The following UNC13B variants were observed in gnomAD, a reference collection of about 807,000 sequenced individuals.
UNC13B encodes the protein protein unc-13 homolog B.
In UNC13B, 144 loss-of-function variants were observed where a neutral mutation model predicts 211.0. The observed-to-expected ratio is 0.68, with a 90% CI of 0.60 to 0.78. The LOEUF is 0.78. Among genes scored for constraint, UNC13B ranks in the 30% least tolerant of loss-of-function variants. The pLI is 0.00. For missense variants in UNC13B, 1,777 were observed against 2,002.0 expected (o/e 0.89, Z 2.14); for synonymous variants, 709 against 725.8 (o/e 0.98, Z 0.37).
At chr9:35,346,321 C>T (rs1192890618) in intron 11 of UNC13B, among the ~76,000 whole-genome samples, 1 of 152,072 alleles carries the variant, frequency 6.6e-6, no homozygotes, top group Non-Finnish European at 1.5e-5. Context: ...TCCCAGAGGT[C>T]CCCTGGTTGT....
Position 35,300,420 on chromosome 9 carries a change from G to A in UNC13B, c.1016G>A (p.Ser339Asn). The change falls in exon 9 of 40, where the codon AGT (serine) becomes AAT (asparagine). Residue 339 changes from serine (S) to asparagine (N), a missense_variant. Physicochemically the swap from Ser to Asn is conservative, Grantham distance 46. Coordinates refer to ENST00000635942, the MANE Select transcript of UNC13B (RefSeq NM_001371189.2). ...KSGMQRIKLE[S>N]HDYDLSSCLR... ...GGCATGCAGCGCATTAAGTTGGAAA[G>A]TCATGATTATGATCTGTCCAGTTGT... 2.5e-6 allele frequency: 1 copy of A among 399,006 alleles called. No homozygotes were observed. The highest frequency in any genetic ancestry group is 4.4e-6 in the Non-Finnish European group (1 of 226,020). 24.7% of individuals were successfully genotyped at this position (399,006 alleles called of 1,614,324 possible).
chr9:35,256,885 A>G (rs1409677047), intron 6 of UNC13B, among the ~76,000 whole-genome samples: 1 of 152,072 alleles, frequency 6.6e-6, no homozygotes, highest in Non-Finnish European at 1.5e-5. Flanking sequence ...TTTTTTGTAG[A>G]CAGATTTTGT....
intron 11 of UNC13B, among the ~76,000 whole-genome samples, chr9:35,339,426 C>G (rs1831855281): frequency 6.6e-6 from 1 of 152,180 alleles, no homozygotes; most frequent in African/African-American, 2.4e-5. Flanking sequence ...CTGCTTGTCC[C>G]AAAGAGCTAG....
At chr9:35,312,016 G>A (rs1220229949) in intron 10 of UNC13B, among the ~76,000 whole-genome samples, 1 of 152,146 alleles carries the variant, frequency 6.6e-6, no homozygotes, top group Non-Finnish European at 1.5e-5. Context: ...ATTATAGGAT[G>A]TTTAATAGCA....
intron 17 of UNC13B, among the ~76,000 whole-genome samples, 190 bp downstream of exon 17, chr9:35,378,626 T>C (rs1587731073): frequency 1.3e-5 from 2 of 152,204 alleles, no homozygotes; most frequent in East Asian, 3.9e-4. Flanking sequence ...GTGTCAGGAT[T>C]ACTGTGCCCA....
intron 1 of UNC13B, among the ~76,000 whole-genome samples, chr9:35,216,387 G>A (rs1038401269): frequency 1.3e-5 from 2 of 152,140 alleles, no homozygotes; most frequent in Admixed American, 6.5e-5. Context: ...GGGGTTTCAC[G>A]ACCCATGGAA....
intron 8 of UNC13B, among the ~76,000 whole-genome samples, chr9:35,297,123 C>G (rs1361498355): frequency 6.9e-6 from 1 of 144,474 alleles, no homozygotes; most frequent in Non-Finnish European, 1.5e-5. Flanking sequence ...GAGTCTCACT[C>G]TGTCTCCCAG....
At chr9:35,314,629 G>C (rs963593371) in intron 11 of UNC13B, among the ~76,000 whole-genome samples, 2 of 151,956 alleles carry the variant, frequency 1.3e-5, no homozygotes, top group Non-Finnish European at 2.9e-5. Context: ...TCTGGGCTTT[G>C]GGTGTAGCCA....
chr9:35,310,491 C>T lies in UNC13B; in HGVS notation c.9033C>T (p.Gly3011=). 6.2e-7 allele frequency: 1 copy of T among 1,613,968 alleles called. No individual in the cohort carries two copies. The highest frequency in any genetic ancestry group is 8.5e-7 in the Non-Finnish European group (1 of 1,179,930). ...GCCCCACCAGCAGCAGTAGGTATGG[C>T]TCCTCCTGTAATGTGAGTCAAGGAA... is the stretch of plus-strand genomic sequence containing the variant. The part of the protein sequence containing the change: ...NKSPTSSSRY[G]SSCNVSQGSS... Residue 3011 remains glycine (G), a synonymous_variant, in exon 10 of 40, where the codon GGC becomes GGT. Transcript: ENST00000635942.
At position 35,301,433 on chromosome 9, in the gene UNC13B, A is replaced by T. The variant is rs1056973352; in HGVS notation, c.2029A>T (p.Ser677Cys). ...GGAAACAAAAAAAGATGATGACCAG[A>T]GTAAGCCACCAAGAAAAGAAAGCTT... is the stretch of plus-strand genomic sequence containing the variant. ...KEETKKDDDQ[S>C]KPPRKESFVE... Residue 677 changes from serine (S) to cysteine (C), a missense_variant, in exon 9 of 40, where the codon AGT becomes TGT. Coordinates refer to ENST00000635942, the MANE Select transcript of UNC13B (RefSeq NM_001371189.2). The T allele has an allele frequency of 1.0e-5, 4 of 398,742 alleles. No individual in the cohort carries two copies. The highest frequency in any genetic ancestry group is 8.2e-5 in the African/African-American group (4 of 48,630). The allele number at this position is 398,742 out of a possible 1,614,324, so 24.7% of individuals were successfully genotyped here.
chr9:35,381,568 T>C lies in UNC13B; in HGVS notation c.10504T>C (p.Tyr3502His). 6.2e-7 allele frequency: 1 copy of C among 1,613,592 alleles called. No homozygotes were observed. The highest frequency in any genetic ancestry group is 8.5e-7 in the Non-Finnish European group (1 of 1,179,616). The change falls in exon 20 of 40, where the codon TAC becomes CAC. Residue 3502 changes from tyrosine (Y) to histidine (H), a missense_variant. Tyr to His is a moderately conservative substitution (Grantham distance 83). Transcript: ENST00000635942. ...CTGTCTCCTGCAGAATCTTTTCCAT[T>C]ACCTCACAGACATTCAGGGCAGTGG... ...YTCLHENLFH[Y>H]LTDIQGSGGV...
At chr9:35,362,828 T>C (rs921450018) in intron 11 of UNC13B, among the ~76,000 whole-genome samples, 6 of 151,554 alleles carry the variant, frequency 4.0e-5, no homozygotes, top group African/African-American at 7.3e-5. Flanking sequence ...AATCTGCATC[T>C]ATTTGCTCTG....
chr9:35,286,226 CTTTTTTTTTT>C (rs777657602), intron 7 of UNC13B, among the ~76,000 whole-genome samples: 17 of 117,662 alleles, frequency 1.4e-4, no homozygotes, highest in African/African-American at 5.0e-4. Context: ...AAGCTTGGAA[CTTTTTTTTTT>C]TTTTTTTTTT....
rs1829748328 is a variant in UNC13B, at chr9:35,302,759, A to T, written c.3355A>T (p.Thr1119Ser). ...AGACTCTTCATTAGAGTGTATTTCTACCACTTCCAAATCCACTTTGGTTAA... is the reference window on the plus strand; with the variant it reads ...AGACTCTTCATTAGAGTGTATTTCTTCCACTTCCAAATCCACTTTGGTTAA... ...ASDSSLECIS[T>S]TSKSTLVNEI... The change falls in exon 9 of 40, where the codon ACC becomes TCC. Residue 1119 changes from threonine to serine, a missense_variant. Thr to Ser is a moderately conservative substitution (Grantham distance 58). Coordinates refer to ENST00000635942, the MANE Select transcript of UNC13B (RefSeq NM_001371189.2). 2 of 398,536 alleles carry T rather than the reference A, an allele frequency of 5.0e-6. No homozygotes were observed. Among genetic ancestry groups the T allele is most frequent in the Non-Finnish European group, 8.9e-6 (2 of 225,760 alleles). The allele number at this position is 398,536 out of a possible 1,614,324, so 24.7% of individuals were successfully genotyped here.
At chr9:35,200,102 T>A (rs1266676698) in intron 1 of UNC13B, among the ~76,000 whole-genome samples, 1 of 152,230 alleles carries the variant, frequency 6.6e-6, no homozygotes, top group Non-Finnish European at 1.5e-5. Context: ...TAGGGAATCC[T>A]TTTCCCATTT....
In UNC13B at chr9:35,300,692, A is replaced by G; in HGVS notation, c.1288A>G (p.Lys430Glu). ...ATTACAAAGGATGAATTGTGATGCA[A>G]AAACACTTGGAGATCTGTCTGAGTG... is the stretch of plus-strand genomic sequence containing the variant. ...LPLQRMNCDA[K>E]TLGDLSECSI... The change falls in exon 9 of 40, where the codon AAA (lysine) becomes GAA (glutamate). Residue 430 changes from lysine to glutamate, a missense_variant. Coordinates refer to ENST00000635942, the MANE Select transcript of UNC13B (RefSeq NM_001371189.2). The G allele has an allele frequency of 2.5e-6, 1 of 399,018 alleles. No homozygotes were observed. Among genetic ancestry groups the G allele is most frequent in the Non-Finnish European group, 4.4e-6 (1 of 226,026 alleles). 24.7% of individuals were successfully genotyped at this position (399,018 alleles called of 1,614,324 possible). A position where few individuals can be genotyped will look rare whatever the true frequency, so the allele number is the denominator to read the frequency against.
rs373043399 is a variant in UNC13B, at chr9:35,389,980, A to T, written c.11222+7A>T. 7 of 1,613,426 alleles carry T rather than the reference A, an allele frequency of 4.3e-6. No homozygotes were observed. Among genetic ancestry groups the T allele is most frequent in the Non-Finnish European group, 5.1e-6 (6 of 1,179,534 alleles). On this transcript the variant is annotated splice_region_variant and intron_variant, in intron 25 of 39. Coordinates refer to ENST00000635942, the MANE Select transcript of UNC13B (RefSeq NM_001371189.2). ...ACACACCTGTTCTGAACCAGTGAGTATCACCCTCTTTGGCCCTGTCTGTTG... is the reference window on the plus strand; with the variant it reads ...ACACACCTGTTCTGAACCAGTGAGTTTCACCCTCTTTGGCCCTGTCTGTTG...
chr9:35,252,763 T>C (rs2131597348), intron 6 of UNC13B, among the ~76,000 whole-genome samples: 1 of 152,124 alleles, frequency 6.6e-6, no homozygotes, highest in African/African-American at 2.4e-5. Context: ...ACCCCGTCTC[T>C]ACTAAAAATA....
intron 11 of UNC13B, chr9:35,342,260 GC>G: frequency 1.0e-6 from 1 of 985,728 alleles, no homozygotes; most frequent in Non-Finnish European, 1.2e-6. Flanking sequence ...CTTAAAGACA[GC>G]ATTTGCCTTC....
Sources: allele counts gnomAD v4.1 joint callset (sites outside exome capture counted in the v4.1 genomes callset), GRCh38; gene constraint gnomAD v4.1.1; transcripts MANE v1.5; gene names NCBI Gene and HGNC (gene_info 2026-07-23, HGNC 2026-07-21).